UGGT2: variants seen among roughly 807,000 people sequenced by gnomAD.
The protein encoded by UGGT2 is UDP-glucose:glycoprotein glucosyltransferase 2.
UGGT2 carries 180 observed loss-of-function variants against 192.1 expected under a neutral mutation model. The observed-to-expected ratio is 0.94, with a 90% CI of 0.83 to 1.06. The LOEUF is 1.06. Ranked by LOEUF, UGGT2 falls within the 50% of genes least tolerant of loss-of-function variation. The probability of loss-of-function intolerance (pLI) is 0.00; values close to 1 mark genes in which losing one functional copy is unlikely to be tolerated. For synonymous variants in UGGT2, 580 were observed against 591.0 expected (o/e 0.98, Z 0.27); for missense variants, 1,849 against 1,795.7 (o/e 1.03, Z -0.54).
chr13:95,942,052 C>T (rs2049699007), intron 15 of UGGT2, among the ~76,000 whole-genome samples: 1 of 152,174 alleles, frequency 6.6e-6, no homozygotes, highest in African/African-American at 2.4e-5. Context: ...TCTAATACAT[C>T]TATGCTCTTG....
rs117410659 is a variant in UGGT2, at chr13:96,046,314, C to T, written c.158+6841G>A. Among the ~76,000 whole-genome samples the T allele has an allele frequency of 4.5e-3, 686 of 152,246 alleles. 11 individuals are homozygous for T. The East Asian group carries it at 0.048, about 11-fold the overall frequency. On this transcript the variant is annotated intron_variant, in intron 1 of 38. Transcript: ENST00000376747. ...AGAATGAAACTGGATTCTTATCTCT[C>T]GCGTTATACAAAAATCAATTCAAGA... is the stretch of plus-strand genomic sequence containing the variant.
chr13:95,967,041 C>T (rs2050602541), intron 12 of UGGT2, among the ~76,000 whole-genome samples: 1 of 152,126 alleles, frequency 6.6e-6, no homozygotes, highest in Non-Finnish European at 1.5e-5. Context: ...TAGTGATAAT[C>T]ATATCTTTGG....
chr13:96,020,741 C>A (rs1234943405), intron 4 of UGGT2, among the ~76,000 whole-genome samples: 1 of 152,220 alleles, frequency 6.6e-6, no homozygotes, highest in Admixed American at 6.5e-5. Flanking sequence ...TGGGCCCTTA[C>A]GAACTTCCTC....
chr13:95,873,639 G>A (rs1371087916), intron 29 of UGGT2, among the ~76,000 whole-genome samples: 1 of 152,124 alleles, frequency 6.6e-6, no homozygotes, highest in Non-Finnish European at 1.5e-5. Context: ...TGCCTGATGT[G>A]ACCTAGAGAT....
In UGGT2 at chr13:95,801,849, T is replaced by A. The variant is rs750244524; in HGVS notation, c.4529-37A>T. The stretch of plus-strand genomic sequence containing the variant: ...AAAAGTTTATTTAGCTTCTGGCATC[T>A]TAAACATAAAAATATCTTAAATATT... On this transcript the variant is annotated intron_variant, in intron 38 of 38. Transcript: ENST00000376747. 3.1e-5 allele frequency: 50 copies of A among 1,611,564 alleles called. No homozygotes were observed. In the African/African-American group the frequency reaches 6.0e-4, roughly 19 times the overall value.
At chr13:95,825,270 G>C (rs1396858120) in intron 38 of UGGT2, among the ~76,000 whole-genome samples, 2 of 152,132 alleles carry the variant, frequency 1.3e-5, no homozygotes, top group Non-Finnish European at 2.9e-5. Flanking sequence ...CCCTGGGTAG[G>C]AACCTGTTGT....
chr13:95,949,756 A>G (rs911852885), intron 12 of UGGT2, among the ~76,000 whole-genome samples: 23 of 152,180 alleles, frequency 1.5e-4, no homozygotes, highest in African/African-American at 5.3e-4. Flanking sequence ...CTTAAGAGAG[A>G]TGAATATTTA....
chr13:96,025,658 G>T (rs9562013), intron 2 of UGGT2, among the ~76,000 whole-genome samples: 8,192 of 152,162 alleles, frequency 0.054, 342 homozygotes, highest in East Asian at 0.19. Flanking sequence ...TTGTCCATCT[G>T]ATTCCTGAAA....
chr13:95,998,070 C>G (rs754650966), intron 6 of UGGT2, among the ~76,000 whole-genome samples: 43 of 152,044 alleles, frequency 2.8e-4, no homozygotes, highest in Non-Finnish European at 5.0e-4. Context: ...ATTAAGGGCA[C>G]TGAAGACCTA....
intron 2 of UGGT2, among the ~76,000 whole-genome samples, chr13:96,027,164 A>T (rs926863249): frequency 1.3e-5 from 2 of 152,218 alleles, no homozygotes; most frequent in African/African-American, 4.8e-5. Context: ...AAATAATAAA[A>T]ATTAATGTAA....
intron 29 of UGGT2, among the ~76,000 whole-genome samples, chr13:95,869,207 G>A (rs1053201142): frequency 6.6e-6 from 1 of 151,972 alleles, no homozygotes; most frequent in African/African-American, 2.4e-5. Flanking sequence ...TCCCTACAAA[G>A]GACATGAACT....
intron 7 of UGGT2, among the ~76,000 whole-genome samples, chr13:95,992,902 G>A (rs1014341035): frequency 6.6e-6 from 1 of 152,148 alleles, no homozygotes; most frequent in East Asian, 1.9e-4. Flanking sequence ...ACTCAACCCA[G>A]TAATCTCATT....
At position 95,863,627 on chromosome 13, in the gene UGGT2, A is replaced by G. The variant is rs543602648; in HGVS notation, c.3644+2T>C. On this transcript the variant is annotated splice_donor_variant, in intron 31 of 38. Coordinates refer to ENST00000376747, the MANE Select transcript of UGGT2 (RefSeq NM_020121.4). LOFTEE classifies it high-confidence loss of function. ...TGTATTAAAATATTCATTAGTAATT[A>G]CCTTTTAATGGAATCCCACAGTCCT... 58 of 1,599,240 alleles carry G rather than the reference A, an allele frequency of 3.6e-5. 1 individual carries two copies. In the South Asian group the frequency reaches 6.3e-4, roughly 17 times the overall value.
Position 96,013,395 on chromosome 13 carries a change from C to A in UGGT2, c.572G>T (p.Gly191Val). ...GTGAAATGCACTAAATGTTCTAGTA[C>A]CCATTTCGGCATAGAGAATCACCAC... ...LPVVILYAEM[G>V]TRTFSAFHKV... The change falls in exon 5 of 39, where the codon GGT becomes GTT. Residue 191 changes from glycine (G) to valine (V), a missense_variant. Transcript: ENST00000376747. 6.2e-7 allele frequency: 1 copy of A among 1,607,216 alleles called. No individual in the cohort carries two copies. Among genetic ancestry groups the A allele is most frequent in the Non-Finnish European group, 8.5e-7 (1 of 1,178,286 alleles).
At chr13:95,847,859 T>A (rs926354243) in intron 36 of UGGT2, among the ~76,000 whole-genome samples, 1 of 152,236 alleles carries the variant, frequency 6.6e-6, no homozygotes. Flanking sequence ...AGAGTTTGTT[T>A]AGTTTTGTAA....
intron 10 of UGGT2, among the ~76,000 whole-genome samples, chr13:95,973,271 T>A (rs1292765031): frequency 6.6e-6 from 1 of 152,154 alleles, no homozygotes; most frequent in Non-Finnish European, 1.5e-5. Context: ...GGTAGCAGTT[T>A]GCCCAGCCCT....
intron 17 of UGGT2, among the ~76,000 whole-genome samples, chr13:95,930,057 G>C (rs1273115236): frequency 6.6e-6 from 1 of 152,104 alleles, no homozygotes; most frequent in African/African-American, 2.4e-5. Context: ...TTCTTTATAT[G>C]CTTGTTGGCC....
At chr13:95,822,930 T>A (rs1885655687) in intron 38 of UGGT2, among the ~76,000 whole-genome samples, 1 of 152,154 alleles carries the variant, frequency 6.6e-6, no homozygotes, top group Non-Finnish European at 1.5e-5. Flanking sequence ...TTTGATGCTA[T>A]GACTTTTCCT....
At chr13:95,967,345 G>T (rs2050616129) in intron 12 of UGGT2, among the ~76,000 whole-genome samples, 1 of 150,984 alleles carries the variant, frequency 6.6e-6, no homozygotes, top group Non-Finnish European at 1.5e-5. Flanking sequence ...TAGAGACAGG[G>T]TTTCACCATT....
Sources: allele counts gnomAD v4.1 joint callset (sites outside exome capture counted in the v4.1 genomes callset), GRCh38; gene constraint gnomAD v4.1.1; transcripts MANE v1.5; gene names NCBI Gene and HGNC (gene_info 2026-07-23, HGNC 2026-07-21).